Variants in CNTN5 observed in about 807,000 individuals in gnomAD.
The protein encoded by CNTN5 is contactin-5.
CNTN5 carries 77 observed loss-of-function variants against 129.1 expected under a neutral mutation model. The observed-to-expected ratio is 0.60, with a 90% CI of 0.50 to 0.72. The LOEUF (loss-of-function observed/expected upper bound fraction) is 0.72. CNTN5 is among the 30% of genes least tolerant of loss of function. The pLI, the probability that CNTN5 is intolerant of heterozygous loss-of-function variation, is 0.00. For synonymous variants in CNTN5, 509 were observed against 465.6 expected (o/e 1.09, Z -1.20); for missense variants, 1,478 against 1,328.8 (o/e 1.11, Z -1.75).
intron 20 of CNTN5, among the ~76,000 whole-genome samples, chr11:100,299,756 A>G (rs1444672070): frequency 1.3e-5 from 2 of 151,488 alleles, no homozygotes; most frequent in Non-Finnish European, 3.0e-5. Flanking sequence ...ATATATGTAA[A>G]GTAGATTTAA....
intron 3 of CNTN5, among the ~76,000 whole-genome samples, chr11:99,788,547 T>C (rs1945620584): frequency 6.6e-6 from 1 of 151,994 alleles, no homozygotes; most frequent in South Asian, 2.1e-4. Context: ...TCTGTTTTGT[T>C]CAGCAATACT....
At chr11:100,030,904 A>C (rs898928938) in intron 9 of CNTN5, among the ~76,000 whole-genome samples, 2 of 152,164 alleles carry the variant, frequency 1.3e-5, no homozygotes, top group African/African-American at 4.8e-5. Flanking sequence ...TAGAGCTGGA[A>C]GACCACATTT....
chr11:99,391,831 T>G (rs1225797309), intron 2 of CNTN5, among the ~76,000 whole-genome samples: 2 of 151,974 alleles, frequency 1.3e-5, no homozygotes, highest in Non-Finnish European at 2.9e-5. Flanking sequence ...CTTGTCATAT[T>G]AGGTATAAGG....
chr11:99,098,165 T>G (rs562169748), intron 1 of CNTN5, among the ~76,000 whole-genome samples: 117 of 152,212 alleles, frequency 7.7e-4, no homozygotes, highest in African/African-American at 2.8e-3. Context: ...TTCTCATTCA[T>G]GGCTTCAATA....
chr11:99,367,297 G>A (rs927474458), intron 2 of CNTN5, among the ~76,000 whole-genome samples: 2 of 151,734 alleles, frequency 1.3e-5, no homozygotes, highest in Non-Finnish European at 1.5e-5. Context: ...TACTAAATTG[G>A]AAAATTTAAA....
chr11:100,252,337 G>A (rs1263162209), intron 16 of CNTN5, among the ~76,000 whole-genome samples: 2 of 152,082 alleles, frequency 1.3e-5, no homozygotes, highest in Admixed American at 1.3e-4. Flanking sequence ...TGAATAGTCT[G>A]CAAATATTTT....
chr11:100,256,002 T>G (rs1260219873), intron 17 of CNTN5, 84 bp downstream of exon 17: 22 of 1,167,114 alleles, frequency 1.9e-5, no homozygotes, highest in Non-Finnish European at 2.5e-5. Flanking sequence ...CTTACTATGA[T>G]TTTTTTGGAT....
At chr11:100,074,116 T>A in intron 12 of CNTN5, 28 bp from the exon 13 acceptor site, 2 of 1,596,522 alleles carry the variant, frequency 1.3e-6, no homozygotes, top group South Asian at 2.2e-5. Context: ...TTGCTTCTGG[T>A]AGAAACTAAC....
At chr11:99,143,227 G>C (rs1008307384) in intron 1 of CNTN5, among the ~76,000 whole-genome samples, 5 of 150,540 alleles carry the variant, frequency 3.3e-5, no homozygotes, top group Admixed American at 6.6e-5. Context: ...ACTCTACATA[G>C]AAAACAATTT....
intron 13 of CNTN5, among the ~76,000 whole-genome samples, chr11:100,148,752 T>C (rs1421422695): frequency 6.6e-6 from 1 of 152,140 alleles, no homozygotes; most frequent in African/African-American, 2.4e-5. Flanking sequence ...TAATGGAAAC[T>C]GGGCACTCTT....
At chr11:99,649,176 T>C (rs1205622470) in intron 3 of CNTN5, among the ~76,000 whole-genome samples, 1 of 143,194 alleles carries the variant, frequency 7.0e-6, no homozygotes, top group South Asian at 2.3e-4. Context: ...ACAATTATTG[T>C]GAATTTAAAA....
chr11:100,089,662 T>C (rs1276222421), intron 13 of CNTN5, among the ~76,000 whole-genome samples: 1 of 152,130 alleles, frequency 6.6e-6, no homozygotes, highest in Non-Finnish European at 1.5e-5. Flanking sequence ...CCTTCATTGA[T>C]AGACTGGATA....
chr11:99,120,889 C>T (rs1169916113), intron 1 of CNTN5, among the ~76,000 whole-genome samples: 1 of 152,030 alleles, frequency 6.6e-6, no homozygotes, highest in Non-Finnish European at 1.5e-5. Context: ...TAGCACATTG[C>T]ACATAATTTA....
chr11:99,568,378 C>T (rs1480683028), intron 3 of CNTN5, among the ~76,000 whole-genome samples: 2 of 152,148 alleles, frequency 1.3e-5, no homozygotes, highest in African/African-American at 4.8e-5. Context: ...TTTATATTAT[C>T]ATTTGTTAAG....
intron 1 of CNTN5, among the ~76,000 whole-genome samples, chr11:99,289,779 G>A (rs1358808390): frequency 6.6e-6 from 1 of 151,656 alleles, no homozygotes; most frequent in Non-Finnish European, 1.5e-5. Context: ...ACCTGGCTAT[G>A]AATGATTTCA....
chr11:99,069,432 T>C (rs1379035381), intron 1 of CNTN5, among the ~76,000 whole-genome samples: 1 of 152,142 alleles, frequency 6.6e-6, no homozygotes, highest in Admixed American at 6.5e-5. Flanking sequence ...TTCCTCGAAG[T>C]TGCCAGTGGA....
intron 6 of CNTN5, among the ~76,000 whole-genome samples, chr11:99,854,701 A>C (rs1947979037): frequency 6.6e-6 from 1 of 152,196 alleles, no homozygotes. Context: ...TCTGACTTTC[A>C]GGAGAAAATA....
At chr11:99,491,825 T>A (rs1326214588) in intron 2 of CNTN5, among the ~76,000 whole-genome samples, 1 of 152,144 alleles carries the variant, frequency 6.6e-6, no homozygotes, top group East Asian at 1.9e-4. Flanking sequence ...TGCAGTGCCA[T>A]GTGGTATTGC....
chr11:99,533,416 G>C (rs1266495892), intron 2 of CNTN5, among the ~76,000 whole-genome samples: 1 of 152,208 alleles, frequency 6.6e-6, no homozygotes, highest in African/African-American at 2.4e-5. Flanking sequence ...TAATCCATTT[G>C]TATTTTGATT....
Sources: gnomAD v4.1 joint callset for allele counts (sites outside exome capture counted in the v4.1 genomes callset) on GRCh38, gnomAD v4.1.1 for gene constraint, MANE v1.5 for transcripts, NCBI Gene and HGNC (gene_info 2026-07-23, HGNC 2026-07-21) for gene names.